ABCC4: variants seen among roughly 807,000 people sequenced by gnomAD.
The protein encoded by ABCC4 is ATP binding cassette subfamily C member 4 (PEL blood group).
ABCC4 carries 102 observed loss-of-function variants against 168.5 expected under a neutral mutation model. The ratio of observed to expected loss-of-function variants is 0.61; its 90% CI spans 0.52 to 0.71. The LOEUF (loss-of-function observed/expected upper bound fraction) is 0.71, where lower values mean the gene tolerates loss of function less well. ABCC4 is among the 30% of genes least tolerant of loss of function. The probability of loss-of-function intolerance (pLI) is 0.00; values close to 1 mark genes in which losing one functional copy is unlikely to be tolerated. For synonymous variants in ABCC4, 617 were observed against 590.7 expected (o/e 1.04, Z -0.65); for missense variants, 1,402 against 1,605.8 (o/e 0.87, Z 2.17).
intron 20 of ABCC4, among the ~76,000 whole-genome samples, chr13:95,114,843 G>A (rs951239809): frequency 1.3e-5 from 2 of 152,172 alleles, no homozygotes; most frequent in Non-Finnish European, 2.9e-5. Context: ...TAAAGCATCT[G>A]AGCATTGAGA....
intron 20 of ABCC4, among the ~76,000 whole-genome samples, chr13:95,097,119 T>G (rs898952220): frequency 6.6e-6 from 1 of 152,124 alleles, no homozygotes; most frequent in Non-Finnish European, 1.5e-5. Context: ...AGGAAATTAT[T>G]TGAAAATAGA....
chr13:95,171,573 A>G (rs1594229225), intron 13 of ABCC4, among the ~76,000 whole-genome samples: 1 of 77,840 alleles, frequency 1.3e-5, no homozygotes, highest in African/African-American at 5.3e-5. Flanking sequence ...AAAAAAGGAG[A>G]AAAAAAAAAA....
chr13:95,191,912 A>C (rs2038263611), intron 9 of ABCC4, among the ~76,000 whole-genome samples: 1 of 152,224 alleles, frequency 6.6e-6, no homozygotes, highest in Non-Finnish European at 1.5e-5. Context: ...CCTGGGACCC[A>C]GCACTGGTGG....
At chr13:95,299,936 G>A (rs1440599390) in intron 1 of ABCC4, among the ~76,000 whole-genome samples, 1 of 152,142 alleles carries the variant, frequency 6.6e-6, no homozygotes, top group Non-Finnish European at 1.5e-5. Flanking sequence ...CCGCCTACTG[G>A]GTTCAAGCAA....
In ABCC4 at chr13:95,272,873, G is replaced by A. The variant is rs566041446; in HGVS notation, c.75-25120C>T. Among the ~76,000 whole-genome samples, 4 of 152,252 alleles carry A rather than the reference G, an allele frequency of 2.6e-5. No homozygotes were observed. The South Asian group carries it at 8.3e-4, about 32-fold the overall frequency. ...ATTGCACTCCAGCCTGGGTGACAGA[G>A]CGAGACTCCGTCTCAAAAAATAAAA... On this transcript the variant is annotated intron_variant, in intron 1 of 30. Coordinates refer to ENST00000645237, the MANE Select transcript of ABCC4 (RefSeq NM_005845.5).
chr13:95,180,469 C>T (rs1214040582), intron 11 of ABCC4, among the ~76,000 whole-genome samples: 1 of 152,048 alleles, frequency 6.6e-6, no homozygotes, highest in Non-Finnish European at 1.5e-5. Context: ...AGGAGAATCG[C>T]TTGAACCTGG....
intron 19 of ABCC4, among the ~76,000 whole-genome samples, chr13:95,125,302 G>GA (rs2035718470): frequency 1.3e-5 from 2 of 152,118 alleles, no homozygotes; most frequent in Non-Finnish European, 2.9e-5. Context: ...TTCCAGGCAG[G>GA]GCTGACACAA....
intron 1 of ABCC4, among the ~76,000 whole-genome samples, chr13:95,295,071 G>C (rs185767369): frequency 1.3e-5 from 2 of 152,124 alleles, no homozygotes; most frequent in Non-Finnish European, 2.9e-5. Context: ...CCCAGACACC[G>C]ATCAAGTAGA....
At chr13:95,206,414 C>A (rs2038781336) in intron 8 of ABCC4, 118 bp downstream of exon 8, 2 of 1,357,992 alleles carry the variant, frequency 1.5e-6, no homozygotes, top group Middle Eastern at 5.0e-4. Flanking sequence ...AATGGCGGCA[C>A]GTTTTGGTTA....
At chr13:95,155,212 CT>C (rs532277887) in intron 19 of ABCC4, among the ~76,000 whole-genome samples, 326 of 144,730 alleles carry the variant, frequency 2.3e-3, no homozygotes, top group Middle Eastern at 7.2e-3. Flanking sequence ...AGGAATCATT[CT>C]TTTTTTTTTT....
chr13:95,094,416 G>A (rs567917550), intron 20 of ABCC4, among the ~76,000 whole-genome samples: 2 of 152,226 alleles, frequency 1.3e-5, no homozygotes, highest in South Asian at 4.2e-4. Flanking sequence ...CATAAAGTGG[G>A]GAAAGGACAC....
chr13:95,115,177 A>G (rs967583154), intron 20 of ABCC4, among the ~76,000 whole-genome samples: 8 of 152,280 alleles, frequency 5.3e-5, no homozygotes, highest in Admixed American at 3.3e-4. Context: ...ACAGTACTGA[A>G]TAAGGAGATG....
intron 27 of ABCC4, among the ~76,000 whole-genome samples, chr13:95,046,336 C>G (rs9590168): frequency 0.16 from 24,343 of 152,112 alleles, 2,254 homozygotes; most frequent in African/African-American, 0.25. Flanking sequence ...TGGGTTTTGA[C>G]CCTCCTTGAG....
At chr13:95,290,109 T>TAGAC (rs1555342175) in intron 1 of ABCC4, among the ~76,000 whole-genome samples, 4 of 146,884 alleles carry the variant, frequency 2.7e-5, no homozygotes, top group Non-Finnish European at 6.0e-5. Context: ...AAAAAATAGA[T>TAGAC]AGATAGATAG....
intron 20 of ABCC4, among the ~76,000 whole-genome samples, chr13:95,084,639 T>A (rs950086551): frequency 6.8e-6 from 1 of 146,780 alleles, no homozygotes; most frequent in Admixed American, 6.8e-5. Flanking sequence ...TCTAACAGGG[T>A]TTTTTTTTTA....
At chr13:95,087,537 G>T (rs1321552360) in intron 20 of ABCC4, among the ~76,000 whole-genome samples, 1 of 152,156 alleles carries the variant, frequency 6.6e-6, no homozygotes, top group Non-Finnish European at 1.5e-5. Flanking sequence ...ATAACAGGTT[G>T]TGCTCCTGGC....
At chr13:95,220,486 T>C (rs904744699) in intron 4 of ABCC4, among the ~76,000 whole-genome samples, 10 of 152,150 alleles carry the variant, frequency 6.6e-5, no homozygotes, top group African/African-American at 2.4e-4. Context: ...TTCATTCCCA[T>C]TTCAAGATTA....
intron 19 of ABCC4, among the ~76,000 whole-genome samples, chr13:95,138,397 T>C (rs1019295526): frequency 6.6e-6 from 1 of 152,286 alleles, no homozygotes; most frequent in African/African-American, 2.4e-5. Context: ...AAGATAGACT[T>C]TGCTGCTATT....
At chr13:95,214,405 G>A (rs935076320) in intron 4 of ABCC4, among the ~76,000 whole-genome samples, 3 of 152,136 alleles carry the variant, frequency 2.0e-5, no homozygotes, top group African/African-American at 7.2e-5. Context: ...TTTTACCAAA[G>A]TTGGTAGCAA....
Sources: gnomAD v4.1 joint callset for allele counts (sites outside exome capture counted in the v4.1 genomes callset) on GRCh38, gnomAD v4.1.1 for gene constraint, MANE v1.5 for transcripts, NCBI Gene and HGNC (gene_info 2026-07-23, HGNC 2026-07-21) for gene names.